NBAS: variants seen among roughly 807,000 people sequenced by gnomAD.
NBAS encodes NAG/BC035112 fusion.
NBAS carries 219 observed loss-of-function variants against 302.5 expected under a neutral mutation model. That is an observed-to-expected ratio of 0.72 (90% confidence interval 0.65 to 0.81). The LOEUF is 0.81. Among genes scored for constraint, NBAS ranks in the 30% least tolerant of loss-of-function variants. The probability of loss-of-function intolerance (pLI) is 0.00; values close to 1 mark genes in which losing one functional copy is unlikely to be tolerated. For missense variants in NBAS, 2,932 were observed against 2,841.6 expected, an observed-to-expected ratio of 1.03 and a Z score of -0.72; for synonymous variants, 1,118 against 1,021.6, an observed-to-expected ratio of 1.09 and a Z score of -1.80.
At chr2:15,524,381 T>C (rs1003761879) in intron 9 of NBAS, among the ~76,000 whole-genome samples, 2 of 152,300 alleles carry the variant, frequency 1.3e-5, no homozygotes, top group South Asian at 2.1e-4. Flanking sequence ...CTTGAGTAAA[T>C]GTGATGATAT....
intron 23 of NBAS, among the ~76,000 whole-genome samples, chr2:15,421,114 T>C (rs908210617): frequency 6.6e-6 from 1 of 152,098 alleles, no homozygotes; most frequent in Non-Finnish European, 1.5e-5. Context: ...AAAGAATACA[T>C]CTACCTTTAT....
At chr2:15,084,296 C>A in the NBAS span, among the ~76,000 whole-genome samples, 2 of 152,160 alleles carry the variant, frequency 1.3e-5, no homozygotes, top group Non-Finnish European at 2.9e-5. Context: ...CTCCTGGACC[C>A]AAGTGATCAA....
chr2:14,989,293 A>ATGTGTGTGTGTGTGTGTG, the NBAS span, among the ~76,000 whole-genome samples: 14,847 of 147,908 alleles, frequency 0.1, 914 homozygotes, highest in Non-Finnish European at 0.15. Flanking sequence ...ATGTATGTGT[A>ATGTGTGTGTGTGTGTGTG]TGTGTGTGTG....
the NBAS span, among the ~76,000 whole-genome samples, chr2:14,891,936 C>G: frequency 6.6e-6 from 1 of 152,172 alleles, no homozygotes; most frequent in Non-Finnish European, 1.5e-5. Context: ...TAACATAGAT[C>G]AAATCCCAGC....
At chr2:15,053,034 G>A in the NBAS span, among the ~76,000 whole-genome samples, 1 of 152,156 alleles carries the variant, frequency 6.6e-6, no homozygotes. Context: ...GGATGATGGT[G>A]CATATAAAAT....
chr2:15,204,421 C>T (rs1666042186), intron 48 of NBAS, among the ~76,000 whole-genome samples: 1 of 151,902 alleles, frequency 6.6e-6, no homozygotes, highest in Admixed American at 6.6e-5. Flanking sequence ...GGATAATGAA[C>T]CTAAGTTTCT....
chr2:15,543,008 C>T (rs890179410), intron 6 of NBAS, among the ~76,000 whole-genome samples: 2 of 152,200 alleles, frequency 1.3e-5, no homozygotes, highest in Admixed American at 6.5e-5. Flanking sequence ...GACTTTATCA[C>T]TGGATTTTTC....
At chr2:14,985,684 T>C in the NBAS span, among the ~76,000 whole-genome samples, 2 of 152,234 alleles carry the variant, frequency 1.3e-5, no homozygotes, top group Admixed American at 1.3e-4. Context: ...TTGTAATTGT[T>C]GGTTTAAATG....
At chr2:14,802,878 G>C in the NBAS span, among the ~76,000 whole-genome samples, 1 of 111,400 alleles carries the variant, frequency 9.0e-6, no homozygotes, top group Non-Finnish European at 1.8e-5. Flanking sequence ...ATCACACTCT[G>C]GGGACTGTGG....
chr2:15,307,900 G>C (rs960657425), intron 40 of NBAS, among the ~76,000 whole-genome samples: 1 of 151,982 alleles, frequency 6.6e-6, no homozygotes, highest in African/African-American at 2.4e-5. Flanking sequence ...TAGAAAGTAA[G>C]TTAAAAAAAC....
At chr2:15,184,524 C>T (rs995010604) in intron 50 of NBAS, among the ~76,000 whole-genome samples, 1 of 151,946 alleles carries the variant, frequency 6.6e-6, no homozygotes, top group Non-Finnish European at 1.5e-5. Context: ...AGATCCCTCG[C>T]ATGTGTAGTT....
At chr2:15,329,973 T>A (rs1216309914) in intron 36 of NBAS, among the ~76,000 whole-genome samples, 2 of 152,198 alleles carry the variant, frequency 1.3e-5, no homozygotes, top group African/African-American at 4.8e-5. Context: ...GAGAAGGGAA[T>A]TAGACTGAAG....
rs1664756767 is a variant in NBAS at position 15,558,586 on chromosome 2, T to C, written c.166A>G (p.Ile56Val). 6.2e-7 allele frequency: 1 copy of C among 1,612,690 alleles called. No homozygotes were observed. Among genetic ancestry groups the C allele is most frequent in the Non-Finnish European group, 8.5e-7 (1 of 1,179,258 alleles). ...HGASFIITKA[I>V]RDRLLFLRQY... ...AGAAATAAGCTATATTTACCTCGAA[T>C]TGCTTTCGTGATGATAAAGGATGCA... The change falls in exon 2 of 52, where the codon ATT becomes GTT. Residue 56 changes from isoleucine (I) to valine (V), a missense_variant. By Grantham distance (29) the Ile-to-Val change is conservative. Transcript: ENST00000281513.
At position 15,424,321 on chromosome 2, in the gene NBAS, AGCATAATGCTCTATTTCCTCTGCTCT is replaced by A. The variant is rs1677356068; in HGVS notation, c.2545_2570del (p.Arg849SerfsTer26). On this transcript the variant is annotated frameshift_variant, in exon 23 of 52. Transcript: ENST00000281513. LOFTEE classifies it high-confidence loss of function. ...AGCTGCCATTTCCCCTCACCTGCCG[AGCATAATGCTCTATTTCCTCTGCTCT>A]GGTCTGATACCAGTCCATAACCTTC... The A allele has an allele frequency of 6.2e-7, 1 of 1,614,062 alleles. No individual in the cohort carries two copies. The highest frequency in any genetic ancestry group is 8.5e-7 in the Non-Finnish European group (1 of 1,179,960).
chr2:15,501,169 C>T (rs966086120), intron 11 of NBAS, among the ~76,000 whole-genome samples: 3 of 151,258 alleles, frequency 2.0e-5, no homozygotes, highest in African/African-American at 4.9e-5. Flanking sequence ...GGTATGGTGG[C>T]GGGTGCCTGT....
chr2:15,006,102 G>A, the NBAS span, among the ~76,000 whole-genome samples: 1 of 152,236 alleles, frequency 6.6e-6, no homozygotes, highest in African/African-American at 2.4e-5. Flanking sequence ...GACTCAATAA[G>A]TTTACATGAA....
the NBAS span, among the ~76,000 whole-genome samples, chr2:14,827,871 C>T: frequency 2.0e-5 from 3 of 152,150 alleles, no homozygotes; most frequent in Admixed American, 1.3e-4. Flanking sequence ...CAAAGACCTG[C>T]TGTGCAACAC....
At chr2:15,232,928 C>T (rs989136978) in intron 46 of NBAS, among the ~76,000 whole-genome samples, 1 of 150,974 alleles carries the variant, frequency 6.6e-6, no homozygotes, top group Non-Finnish European at 1.5e-5. Flanking sequence ...CTAAACAGTT[C>T]ACATATATTC....
the NBAS span, among the ~76,000 whole-genome samples, chr2:14,915,201 T>A: frequency 6.6e-6 from 1 of 152,232 alleles, no homozygotes; most frequent in African/African-American, 2.4e-5. Context: ...CTTAGCTTAT[T>A]ATCAAAGGTT....
Sources: gnomAD v4.1 joint callset for allele counts (sites outside exome capture counted in the v4.1 genomes callset) on GRCh38, gnomAD v4.1.1 for gene constraint, MANE v1.5 for transcripts, NCBI Gene and HGNC (gene_info 2026-07-23, HGNC 2026-07-21) for gene names.